CPE: variants seen among roughly 807,000 people sequenced by gnomAD.
The protein encoded by CPE is carbocypeptidase E.
Under a neutral mutation model 53.5 loss-of-function variants are expected in CPE, and 17 were observed. That is an observed-to-expected ratio of 0.32 (90% CI 0.22 to 0.48). The LOEUF (loss-of-function observed/expected upper bound fraction) is 0.48. Ranked by LOEUF, CPE falls within the 20% of genes least tolerant of loss-of-function variation. The probability of loss-of-function intolerance (pLI) is 0.99; values close to 1 mark genes in which losing one functional copy is unlikely to be tolerated. For missense variants in CPE, 524 were observed against 614.7 expected (o/e 0.85, Z 1.56); for synonymous variants, 226 against 228.8 (o/e 0.99, Z 0.11).
At chr4:165,395,083 T>G (rs978560446) in intron 1 of CPE, among the ~76,000 whole-genome samples, 1 of 152,150 alleles carries the variant, frequency 6.6e-6, no homozygotes, top group African/African-American at 2.4e-5. Flanking sequence ...CCGAAATGAT[T>G]AGTTGATGAA....
Position 165,379,355 on chromosome 4 carries a change from A to G in CPE, c.134A>G (p.Gln45Arg). 3 of 1,596,128 alleles carry G rather than the reference A, an allele frequency of 1.9e-6. No homozygotes were observed. Among genetic ancestry groups the G allele is most frequent in the Non-Finnish European group, 2.6e-6 (3 of 1,174,180 alleles). Residue 45 changes from glutamine to arginine, a missense_variant, in exon 1 of 9, where the codon CAA (glutamine) becomes CGA (arginine). Coordinates refer to ENST00000402744, the MANE Select transcript of CPE (RefSeq NM_001873.4). This position sits in a 1 kb window ranked among gnomAD's most constrained non-coding sequence, Gnocchi z 6.0. ...AGMRRRRRLQQEDGISFEYHR... is the reference protein window; with the variant it reads ...AGMRRRRRLQREDGISFEYHR... ...ATGAGGCGGCGCCGGCGGCTGCAGCAAGAGGACGGCATCTCCTTCGAGTAC... is the reference window on the plus strand; with the variant it reads ...ATGAGGCGGCGCCGGCGGCTGCAGCGAGAGGACGGCATCTCCTTCGAGTAC...
chr4:165,452,439 TA>T (rs1560886702), intron 1 of CPE, among the ~76,000 whole-genome samples: 1 of 152,240 alleles, frequency 6.6e-6, no homozygotes, highest in South Asian at 2.1e-4. Flanking sequence ...GATATACCAT[TA>T]AAAAAAGAAA....
intron 1 of CPE, chr4:165,406,419 T>G (rs1730955625): frequency 5.7e-6 from 2 of 351,016 alleles, no homozygotes; most frequent in Non-Finnish European, 1.1e-5. Flanking sequence ...TATTAGCTTT[T>G]TAAATGTATT....
At chr4:165,389,578 G>A (rs542317401) in intron 1 of CPE, among the ~76,000 whole-genome samples, 2 of 152,292 alleles carry the variant, frequency 1.3e-5, no homozygotes, top group East Asian at 3.9e-4. Context: ...TCAAGTATTG[G>A]TTGTGCTGGA....
At chr4:165,456,035 T>C (rs746297752) in intron 1 of CPE, among the ~76,000 whole-genome samples, 1 of 152,222 alleles carries the variant, frequency 6.6e-6, no homozygotes, top group Non-Finnish European at 1.5e-5. Context: ...TTTGTGATAC[T>C]AATTTTAAAT....
chr4:165,483,947 A>T (rs1480277187), intron 4 of CPE, among the ~76,000 whole-genome samples: 1 of 152,212 alleles, frequency 6.6e-6, no homozygotes, highest in Non-Finnish European at 1.5e-5. Context: ...ATAATTTATA[A>T]TGCATGAATA....
intron 1 of CPE, among the ~76,000 whole-genome samples, chr4:165,398,065 A>C (rs980693049): frequency 1.1e-4 from 16 of 151,294 alleles, no homozygotes; most frequent in Admixed American, 7.9e-4. Flanking sequence ...AAAAAAAAAA[A>C]AAAAAACAAA....
At chr4:165,409,089 A>G (rs1382217623) in intron 1 of CPE, among the ~76,000 whole-genome samples, 1 of 152,192 alleles carries the variant, frequency 6.6e-6, no homozygotes, top group African/African-American at 2.4e-5. Flanking sequence ...TTGAGCACAT[A>G]AGCAAGTATA....
intron 1 of CPE, chr4:165,405,549 T>G (rs1169750939): frequency 3.2e-6 from 3 of 939,530 alleles, no homozygotes; most frequent in African/African-American, 3.2e-5. Flanking sequence ...AATGGAATAG[T>G]CATGGCATAC....
In CPE at chr4:165,464,550, C is replaced by T; in HGVS notation, c.468C>T (p.Ser156=). The change falls in exon 2 of 9, where the codon TCC becomes TCT. Residue 156 remains serine (S), a synonymous_variant. Coordinates refer to ENST00000402744, the MANE Select transcript of CPE (RefSeq NM_001873.4). The part of the protein sequence containing the change: ...IHSTRIHIMP[S]LNPDGFEKAA... Reference sequence around the variant, plus strand: ...GTACCCGCATTCACATCATGCCTTCCCTGAACCCAGATGGCTTTGAGAAGG... The same window carrying T: ...GTACCCGCATTCACATCATGCCTTCTCTGAACCCAGATGGCTTTGAGAAGG... 2 of 1,613,132 alleles carry T rather than the reference C, an allele frequency of 1.2e-6. No homozygotes were observed. The highest frequency in any genetic ancestry group is 1.7e-6 in the Non-Finnish European group (2 of 1,179,474).
intron 1 of CPE, among the ~76,000 whole-genome samples, chr4:165,434,447 G>C (rs1731461899): frequency 6.6e-6 from 1 of 152,152 alleles, no homozygotes; most frequent in Admixed American, 6.5e-5. Flanking sequence ...TGCAAGAAAA[G>C]CTTTTAGGTT....
At chr4:165,465,260 C>G (rs1732076711) in intron 2 of CPE, among the ~76,000 whole-genome samples, 1 of 152,012 alleles carries the variant, frequency 6.6e-6, no homozygotes, top group South Asian at 2.1e-4. Flanking sequence ...TCTATGGGAA[C>G]ATGGGAACAC....
At chr4:165,490,431 A>G (rs975368136) in intron 6 of CPE, among the ~76,000 whole-genome samples, 3 of 152,032 alleles carry the variant, frequency 2.0e-5, no homozygotes, top group Non-Finnish European at 2.9e-5. Context: ...CAGGAGATCA[A>G]GACCATCCTG....
intron 1 of CPE, among the ~76,000 whole-genome samples, chr4:165,460,183 G>C (rs887989406): frequency 6.6e-6 from 1 of 151,606 alleles, no homozygotes; most frequent in Non-Finnish European, 1.5e-5. Context: ...ATCCATTTAC[G>C]CAGAAGAGAA....
At chr4:165,464,836 CTGTTT>C (rs1204207840) in intron 2 of CPE, among the ~76,000 whole-genome samples, 1 of 152,178 alleles carries the variant, frequency 6.6e-6, no homozygotes, top group South Asian at 2.1e-4. Flanking sequence ...TAATAGTGTT[CTGTTT>C]TATGTTTTTC....
At chr4:165,404,320 T>C in intron 1 of CPE, 1 of 771,982 alleles carries the variant, frequency 1.3e-6, no homozygotes, top group South Asian at 1.3e-5. Flanking sequence ...TCACAAATCT[T>C]GTCAGCAGGC....
chr4:165,425,296 G>T (rs1731299138), intron 1 of CPE, among the ~76,000 whole-genome samples: 1 of 148,384 alleles, frequency 6.7e-6, no homozygotes, highest in African/African-American at 2.5e-5. Context: ...GTATCTAGAA[G>T]TTTTTACTCT....
At chr4:165,467,493 G>A (rs1320270088) in intron 2 of CPE, among the ~76,000 whole-genome samples, 195 bp from the exon 3 acceptor site, 2 of 152,102 alleles carry the variant, frequency 1.3e-5, no homozygotes, top group Admixed American at 6.6e-5. Flanking sequence ...GTCATTATGC[G>A]GCCCATCACA....
At chr4:165,420,133 C>T (rs901878444) in intron 1 of CPE, among the ~76,000 whole-genome samples, 1 of 151,898 alleles carries the variant, frequency 6.6e-6, no homozygotes, top group Non-Finnish European at 1.5e-5. Flanking sequence ...TAGATTTTAT[C>T]TCTTTAATTA....
Sources: allele counts gnomAD v4.1 joint callset (sites outside exome capture counted in the v4.1 genomes callset), GRCh38; gene constraint gnomAD v4.1.1; non-coding constraint Gnocchi (gnomAD v3.1); transcripts MANE v1.5; gene names NCBI Gene and HGNC (gene_info 2026-07-23, HGNC 2026-07-21).